CDH4: variants seen among roughly 807,000 people sequenced by gnomAD.
CDH4 encodes the protein cadherin-4.
Under a neutral mutation model 86.0 loss-of-function variants are expected in CDH4, and 33 were observed. The observed-to-expected ratio is 0.38, with a 90% CI of 0.29 to 0.51. The LOEUF is 0.51. CDH4 is among the 20% of genes least tolerant of loss of function. The pLI is 0.86. For missense variants in CDH4, 1,114 were observed against 1,307.4 expected (o/e 0.85, Z 2.28); for synonymous variants, 555 against 549.4 (o/e 1.01, Z -0.14).
intron 2 of CDH4, among the ~76,000 whole-genome samples, chr20:61,416,300 T>G (rs552952023): frequency 1.3e-5 from 2 of 152,148 alleles, no homozygotes; most frequent in Non-Finnish European, 2.9e-5. Context: ...GGGCCCAGCT[T>G]CTCCTTCCTT....
intron 2 of CDH4, among the ~76,000 whole-genome samples, chr20:61,695,524 A>G (rs1600883837): frequency 1.3e-5 from 2 of 152,158 alleles, no homozygotes; most frequent in South Asian, 4.1e-4. Flanking sequence ...CAGAGAGGGC[A>G]TGTCTCGCTC....
chr20:61,903,540 T>TTTAAAAA (rs386394189), intron 8 of CDH4, among the ~76,000 whole-genome samples: 1 of 90,886 alleles, frequency 1.1e-5, no homozygotes, highest in African/African-American at 4.7e-5. Context: ...AGAGACTCCA[T>TTTAAAAA]AAAAAAAAAA....
chr20:61,869,240 C>G (rs1374173386), intron 6 of CDH4, among the ~76,000 whole-genome samples: 1 of 152,058 alleles, frequency 6.6e-6, no homozygotes, highest in East Asian at 1.9e-4. Flanking sequence ...CCCTGAAATC[C>G]AAAAAAAGAG....
intron 2 of CDH4, among the ~76,000 whole-genome samples, chr20:61,313,601 G>A (rs540386003): frequency 5.9e-5 from 9 of 152,336 alleles, no homozygotes; most frequent in African/African-American, 1.2e-4. Flanking sequence ...ATGAATGAGC[G>A]CTGTCTGCCC....
chr20:61,900,111 G>A lies in CDH4; in HGVS notation c.1188+5064G>A, dbSNP rs1047462238. 2.4e-4 allele frequency among the ~76,000 whole-genome samples: 34 copies of A among 141,800 alleles called. No individual in the cohort carries two copies. In the East Asian group the frequency reaches 4.3e-3, roughly 18 times the overall value. 93.0% of individuals were successfully genotyped at this position (141,800 alleles called of 152,430 possible). A position where few individuals can be genotyped will look rare whatever the true frequency, so the allele number is the denominator to read the frequency against. On this transcript the variant is annotated intron_variant, in intron 8 of 15. Transcript: ENST00000614565. ...AGACAGGCTACTGGCCAGCCTCAGC[G>A]GGGGGGACTGGCTGGGCTGACCCAG...
At chr20:61,637,042 G>C (rs979776917) in intron 2 of CDH4, among the ~76,000 whole-genome samples, 1 of 152,214 alleles carries the variant, frequency 6.6e-6, no homozygotes, top group African/African-American at 2.4e-5. Flanking sequence ...TTCGGGGGCA[G>C]GCAGGGGAGC....
chr20:61,408,826 G>A (rs2085098759), intron 2 of CDH4, among the ~76,000 whole-genome samples: 2 of 152,176 alleles, frequency 1.3e-5, no homozygotes, highest in African/African-American at 2.4e-5. Context: ...TTTATGGAAG[G>A]GAAGTTCTTT....
intron 2 of CDH4, among the ~76,000 whole-genome samples, chr20:61,414,560 C>G (rs1208566559): frequency 6.6e-6 from 1 of 152,214 alleles, no homozygotes; most frequent in African/African-American, 2.4e-5. Context: ...CATGATTCAA[C>G]TGTTCTCTGT....
At chr20:61,827,930 A>G (rs995730990) in intron 4 of CDH4, among the ~76,000 whole-genome samples, 2 of 152,360 alleles carry the variant, frequency 1.3e-5, no homozygotes, top group Admixed American at 1.3e-4. Context: ...TTCTTTACAA[A>G]TAAATAAATC....
intron 2 of CDH4, among the ~76,000 whole-genome samples, chr20:61,348,921 T>A (rs2084694635): frequency 6.6e-6 from 1 of 152,224 alleles, no homozygotes; most frequent in Non-Finnish European, 1.5e-5. Context: ...GTTTTGGGAC[T>A]ACATTTGAAA....
At chr20:61,874,987 C>G (rs1009310609) in intron 7 of CDH4, among the ~76,000 whole-genome samples, 3 of 152,202 alleles carry the variant, frequency 2.0e-5, no homozygotes, top group African/African-American at 7.2e-5. Flanking sequence ...GGCCCTCGAG[C>G]TCTGGGTGTG....
At chr20:61,914,541 G>A (rs114882004) in intron 9 of CDH4, among the ~76,000 whole-genome samples, 13 of 149,162 alleles carry the variant, frequency 8.7e-5, no homozygotes, top group East Asian at 7.7e-4. Flanking sequence ...AGATCGGTGC[G>A]GGCTCAGCCT....
chr20:61,321,825 A>T (rs1281311774), intron 2 of CDH4, among the ~76,000 whole-genome samples: 2 of 152,194 alleles, frequency 1.3e-5, no homozygotes. Flanking sequence ...CTTGTCCAAT[A>T]GCTGCCAAAG....
At chr20:61,863,741 A>G (rs1983427074) in intron 6 of CDH4, among the ~76,000 whole-genome samples, 1 of 148,026 alleles carries the variant, frequency 6.8e-6, no homozygotes, top group Admixed American at 6.7e-5. Context: ...CTAGGTGCAG[A>G]GGAGGAGCCG....
At chr20:61,502,701 C>G (rs888329056) in intron 2 of CDH4, among the ~76,000 whole-genome samples, 20 of 152,290 alleles carry the variant, frequency 1.3e-4, no homozygotes, top group African/African-American at 4.1e-4. Context: ...TAAGAGCACT[C>G]AAAACAGTCG....
chr20:61,632,541 T>G (rs1484931511), intron 2 of CDH4, among the ~76,000 whole-genome samples: 1 of 151,882 alleles, frequency 6.6e-6, no homozygotes, highest in Non-Finnish European at 1.5e-5. Flanking sequence ...CAGCCCGGCT[T>G]CCCCCTCCCG....
chr20:61,381,636 C>A (rs999588189), intron 2 of CDH4, among the ~76,000 whole-genome samples: 1 of 151,948 alleles, frequency 6.6e-6, no homozygotes, highest in Non-Finnish European at 1.5e-5. Context: ...CGCAGAATGT[C>A]CCCCCTTGGA....
chr20:61,360,757 C>T (rs28522782), intron 2 of CDH4, among the ~76,000 whole-genome samples: 6,543 of 152,200 alleles, frequency 0.043, 200 homozygotes, highest in Middle Eastern at 0.075. Flanking sequence ...GAAAAGAAAA[C>T]TGTAAAGAAT....
At chr20:61,566,289 C>T (rs536180925) in intron 2 of CDH4, among the ~76,000 whole-genome samples, 4 of 152,338 alleles carry the variant, frequency 2.6e-5, no homozygotes, top group East Asian at 1.9e-4. Context: ...AAGTGTTTCT[C>T]GCCTTTCCGT....
Sources: allele counts gnomAD v4.1 joint callset (sites outside exome capture counted in the v4.1 genomes callset), GRCh38; gene constraint gnomAD v4.1.1; transcripts MANE v1.5; gene names NCBI Gene and HGNC (gene_info 2026-07-23, HGNC 2026-07-21).